The following ERBB4 variants were observed in gnomAD, a reference collection of about 807,000 sequenced individuals.
ERBB4 encodes the protein erb-b2 receptor tyrosine kinase 4, also known as receptor tyrosine-protein kinase erbB-4.
A neutral mutation model predicts 158.0 loss-of-function variants in ERBB4; 42 were observed. That is an observed-to-expected ratio of 0.27 (90% CI 0.21 to 0.34). The LOEUF (loss-of-function observed/expected upper bound fraction) is 0.34. Among genes scored for constraint, ERBB4 ranks in the 10% least tolerant of loss-of-function variants. The pLI is 1.00. For missense variants in ERBB4, 1,333 were observed against 1,624.1 expected (o/e 0.82, Z 3.08); for synonymous variants, 583 against 558.7 (o/e 1.04, Z -0.61).
Position 211,704,185 on chromosome 2 carries a change from T to C in ERBB4, c.1208A>G (p.Asn403Ser). ...CATGTTTGGTGGCCATGACTGTATG[T>C]TCAGGAAACCTACAAGTGAAGAGTA... ...RTVREITGFL[N>S]IQSWPPNMTD... Residue 403 changes from asparagine to serine, a missense_variant, in exon 11 of 28, where the codon AAC (asparagine) becomes AGC (serine). Physicochemically the swap from Asn to Ser is conservative, Grantham distance 46. Coordinates refer to ENST00000342788, the MANE Select transcript of ERBB4 (RefSeq NM_005235.3). The C allele has an allele frequency of 6.2e-7, 1 of 1,606,950 alleles. No homozygotes were observed. Among genetic ancestry groups the C allele is most frequent in the Non-Finnish European group, 8.5e-7 (1 of 1,173,488 alleles).
At chr2:212,068,165 G>A (rs2078000312) in intron 2 of ERBB4, among the ~76,000 whole-genome samples, 1 of 151,940 alleles carries the variant, frequency 6.6e-6, no homozygotes, top group East Asian at 1.9e-4. Context: ...AGTTTTCAAT[G>A]TTTGTATGCA....
At chr2:211,450,254 G>C (rs79810252) in intron 20 of ERBB4, among the ~76,000 whole-genome samples, 1,806 of 152,252 alleles carry the variant, frequency 0.012, 32 homozygotes, top group African/African-American at 0.041. Flanking sequence ...CTGGAGGAGT[G>C]TGCAAGGGCA....
chr2:211,889,243 T>C (rs1184060650), intron 3 of ERBB4, among the ~76,000 whole-genome samples: 1 of 144,818 alleles, frequency 6.9e-6, no homozygotes, highest in Non-Finnish European at 1.5e-5. Flanking sequence ...CCCTGACCCC[T>C]GACCCCCGAG....
intron 3 of ERBB4, among the ~76,000 whole-genome samples, chr2:211,910,715 T>A (rs2079521014): frequency 6.6e-6 from 1 of 152,072 alleles, no homozygotes; most frequent in African/African-American, 2.4e-5. Flanking sequence ...TTTGTACCCC[T>A]AAACTTAAAA....
intron 22 of ERBB4, 108 bp from the exon 23 acceptor site, chr2:211,424,409 C>T: frequency 1.4e-6 from 1 of 706,572 alleles, no homozygotes; most frequent in Non-Finnish European, 2.4e-6. Context: ...ATCCAAACAC[C>T]AATCAATTAA....
intron 3 of ERBB4, among the ~76,000 whole-genome samples, chr2:211,905,032 G>T (rs1426752195): frequency 6.6e-6 from 1 of 151,986 alleles, no homozygotes; most frequent in Non-Finnish European, 1.5e-5. Flanking sequence ...GTCTGGCATT[G>T]CTGCTGTAAA....
intron 13 of ERBB4, 35 bp from the exon 14 acceptor site, chr2:211,673,292 C>A (rs747694749): frequency 1.4e-6 from 2 of 1,458,608 alleles, no homozygotes; most frequent in Non-Finnish European, 9.6e-7. Context: ...GAGGTGTAAG[C>A]AAACAAGCGT....
rs991279241 is a variant in ERBB4 at position 211,530,973 on chromosome 2, C to T, written c.2487+30930G>A. Among the ~76,000 whole-genome samples the T allele has an allele frequency of 3.9e-5, 6 of 151,992 alleles. No homozygotes were observed. The East Asian group carries it at 1.2e-3, about 29-fold the overall frequency. ...ACTCACATAAAAACAAACATGTAGA[C>T]CAGTGGAACAAATTAGAGAACCCAG... On this transcript the variant is annotated intron_variant, in intron 20 of 27. Coordinates refer to ENST00000342788, the MANE Select transcript of ERBB4 (RefSeq NM_005235.3).
intron 1 of ERBB4, among the ~76,000 whole-genome samples, chr2:212,391,387 A>G (rs1462878066): frequency 1.3e-5 from 2 of 151,398 alleles, no homozygotes; most frequent in East Asian, 3.9e-4. Context: ...ACAATGCTTC[A>G]TTCACAGCTG....
At chr2:211,604,034 T>G (rs1330127582) in intron 19 of ERBB4, among the ~76,000 whole-genome samples, 1 of 152,244 alleles carries the variant, frequency 6.6e-6, no homozygotes, top group Non-Finnish European at 1.5e-5. Flanking sequence ...TCTCAAAATA[T>G]TCATTAGTTT....
intron 1 of ERBB4, among the ~76,000 whole-genome samples, chr2:212,438,623 T>C (rs1204001946): frequency 6.6e-6 from 1 of 152,146 alleles, no homozygotes; most frequent in Non-Finnish European, 1.5e-5. Flanking sequence ...TTGGAAAATA[T>C]AAATTGTATT....
chr2:212,221,526 C>T (rs553725032), intron 1 of ERBB4, among the ~76,000 whole-genome samples: 5 of 151,524 alleles, frequency 3.3e-5, no homozygotes, highest in African/African-American at 1.2e-4. Flanking sequence ...TAACTTTCCT[C>T]CAATAGCTTT....
intron 1 of ERBB4, among the ~76,000 whole-genome samples, chr2:212,139,749 A>C (rs941791635): frequency 1.3e-5 from 2 of 151,934 alleles, no homozygotes; most frequent in Non-Finnish European, 2.9e-5. Flanking sequence ...TAAATCACTT[A>C]CTGTTTACAT....
At chr2:212,341,374 T>A (rs2088704050) in intron 1 of ERBB4, among the ~76,000 whole-genome samples, 1 of 152,056 alleles carries the variant, frequency 6.6e-6, no homozygotes, top group African/African-American at 2.4e-5. Context: ...TTTTTTTTTG[T>A]AAGTTATATT....
chr2:211,963,227 A>G (rs912739629), intron 2 of ERBB4, among the ~76,000 whole-genome samples: 5 of 151,998 alleles, frequency 3.3e-5, no homozygotes, highest in Non-Finnish European at 7.4e-5. Context: ...TGATACTGGC[A>G]TCTAGTGGGT....
At chr2:211,964,685 G>T (rs1448427499) in intron 2 of ERBB4, among the ~76,000 whole-genome samples, 1 of 152,052 alleles carries the variant, frequency 6.6e-6, no homozygotes, top group Non-Finnish European at 1.5e-5. Context: ...TTCATGCTAA[G>T]GTCTATTTAG....
chr2:212,068,602 A>G lies in ERBB4; in HGVS notation c.234+56150T>C, dbSNP rs548185368. On this transcript the variant is annotated intron_variant, in intron 2 of 27. Coordinates refer to ENST00000342788, the MANE Select transcript of ERBB4 (RefSeq NM_005235.3). ...CCCTGAAGTAACCTGATGTTAACCA[A>G]TCAATTACTTTCCTATGGCTCTGTC... Among the ~76,000 whole-genome samples, 5 of 152,176 alleles carry G rather than the reference A, an allele frequency of 3.3e-5. No homozygotes were observed. In the East Asian group the frequency reaches 9.7e-4, roughly 29 times the overall value.
chr2:211,487,373 AAAAT>A (rs2065233916), intron 20 of ERBB4, among the ~76,000 whole-genome samples: 1 of 97,696 alleles, frequency 1.0e-5, no homozygotes, highest in Non-Finnish European at 2.1e-5. Context: ...AATAAATAAA[AAAAT>A]AAATAAATAG....
intron 1 of ERBB4, among the ~76,000 whole-genome samples, chr2:212,177,445 A>T (rs1441787414): frequency 1.3e-5 from 2 of 151,908 alleles, no homozygotes; most frequent in Non-Finnish European, 2.9e-5. Context: ...ATAATTCTGA[A>T]ATAATCTGAA....
Sources: gnomAD v4.1 joint callset for allele counts (sites outside exome capture counted in the v4.1 genomes callset) on GRCh38, gnomAD v4.1.1 for gene constraint, MANE v1.5 for transcripts, NCBI Gene and HGNC (gene_info 2026-07-23, HGNC 2026-07-21) for gene names.